The following SAMD9 variants were observed in gnomAD, a reference collection of about 807,000 sequenced individuals.
SAMD9 encodes the protein sterile alpha motif domain-containing protein 9.
A neutral mutation model predicts 1.5 loss-of-function variants in SAMD9; 3 were observed. The ratio of observed to expected loss-of-function variants is 2.05; its 90% CI spans 0.93 to 5.29. The LOEUF (loss-of-function observed/expected upper bound fraction) is 5.29, where lower values mean the gene tolerates loss of function less well. Ranked by LOEUF, SAMD9 falls within the 30% of genes most tolerant of loss-of-function variation. The pLI is 0.02. For missense variants in SAMD9, 1,597 were observed against 1,820.8 expected (o/e 0.88, Z 2.24); for synonymous variants, 635 against 631.9 (o/e 1.00, Z -0.07).
chr7:93,110,739 T>G (rs1386598515), intron 2 of SAMD9, among the ~76,000 whole-genome samples: 8 of 152,140 alleles, frequency 5.3e-5, no homozygotes, highest in Non-Finnish European at 1.5e-5. Context: ...AGGGATCAAT[T>G]CAACAAGAAG....
chr7:93,116,495 A>G (rs902124574), intron 1 of SAMD9, among the ~76,000 whole-genome samples: 1 of 152,204 alleles, frequency 6.6e-6, no homozygotes, highest in Non-Finnish European at 1.5e-5. Flanking sequence ...CAGATTATTG[A>G]TAGCTGTGCC....
chr7:93,117,433 A>G (rs1324055615), intron 1 of SAMD9, among the ~76,000 whole-genome samples: 1 of 150,628 alleles, frequency 6.6e-6, no homozygotes, highest in Non-Finnish European at 1.5e-5. Flanking sequence ...GCGTGCCACC[A>G]CATCCAGCTA....
intron 2 of SAMD9, among the ~76,000 whole-genome samples, chr7:93,109,650 C>T (rs550300381): frequency 2.6e-5 from 4 of 152,234 alleles, no homozygotes; most frequent in East Asian, 1.9e-4. Context: ...ACAAGAACTA[C>T]GTGACGCATG....
At chr7:93,114,331 G>A (rs903461186) in intron 2 of SAMD9, among the ~76,000 whole-genome samples, 1 of 151,082 alleles carries the variant, frequency 6.6e-6, no homozygotes, top group Non-Finnish European at 1.5e-5. Context: ...GATAGCATTA[G>A]GAGATATACC....
intron 2 of SAMD9, among the ~76,000 whole-genome samples, chr7:93,110,284 C>T (rs895756917): frequency 6.6e-6 from 1 of 152,162 alleles, no homozygotes; most frequent in African/African-American, 2.4e-5. Context: ...ACCAGGCCTG[C>T]CTTACAAGAG....
In SAMD9 at chr7:93,114,872, C is replaced by G. The variant is rs938841949; in HGVS notation, c.-86G>C. On this transcript the variant is annotated 5_prime_UTR_variant, in exon 2 of 3. Coordinates refer to ENST00000379958, the MANE Select transcript of SAMD9 (RefSeq NM_017654.4). The stretch of plus-strand genomic sequence containing the variant: ...AGATCACAAAAGGCCACCTATTCAC[C>G]CACTGCAACCATGAGATCAAAATCT... The G allele has an allele frequency of 6.6e-6, 1 of 152,168 alleles. No homozygotes were observed. The highest frequency in any genetic ancestry group is 2.4e-5 in the African/African-American group (1 of 41,432). The allele number at this position is 152,168 out of a possible 1,614,324, so 9.4% of individuals were successfully genotyped here.
rs1295884419 is a variant in SAMD9 at position 93,105,446 on chromosome 7, C to A, written c.652G>T (p.Glu218Ter). ...CAAGCTGAAGCAAATCGGAAAACCT[C>A]ATTGCTAAATTTCATCTTGACATCC... The part of the protein sequence containing the change: ...EEDVKMKFSN[E>*]VFRFASACMN... The change falls in exon 3 of 3, where the codon GAG (glutamate) becomes TAG (stop). Residue 218 changes from glutamate (E) to a stop codon, truncating the protein, a stop_gained. Transcript: ENST00000379958. LOFTEE classifies it low-confidence loss of function (END_TRUNC). 5.6e-6 allele frequency: 9 copies of A among 1,614,056 alleles called. No homozygotes were observed. Among genetic ancestry groups the A allele is most frequent in the South Asian group, 1.1e-5 (1 of 91,074 alleles).
chr7:93,117,106 A>G (rs961423205), intron 1 of SAMD9, among the ~76,000 whole-genome samples: 1 of 152,182 alleles, frequency 6.6e-6, no homozygotes, highest in Non-Finnish European at 1.5e-5. Flanking sequence ...CTGTCTTCCT[A>G]TGTATGTCAT....
chr7:93,103,078 A>C lies in SAMD9; in HGVS notation c.3020T>G (p.Ile1007Ser). 6.2e-7 allele frequency: 1 copy of C among 1,613,836 alleles called. No homozygotes were observed. Among genetic ancestry groups the C allele is most frequent in the Non-Finnish European group, 8.5e-7 (1 of 1,179,786 alleles). ...KKSYHLNKSQ[I>S]MLDMLTENLF... ...ATTCTCAGTTAGCATATCCAACATAATTTGACTTTTATTCAGGTGATAGCT... is the reference window on the plus strand; with the variant it reads ...ATTCTCAGTTAGCATATCCAACATACTTTGACTTTTATTCAGGTGATAGCT... Residue 1007 changes from isoleucine to serine, a missense_variant, in exon 3 of 3, where the codon ATT becomes AGT. Ile to Ser is a moderately radical substitution (Grantham distance 142). Around this residue, in one of 6 missense-constraint regions of SAMD9, gnomAD observed 682 missense variants for 810.0 expected, o/e 0.84. Transcript: ENST00000379958.
rs780394549 is a variant in SAMD9, at chr7:93,105,920, T to TATA, written c.177_178insTAT (p.Ile59_Thr60insTyr). 25 of 1,613,550 alleles carry TATA rather than the reference T, an allele frequency of 1.5e-5. No homozygotes were observed. Among genetic ancestry groups the TATA allele is most frequent in the East Asian group, 2.2e-5 (1 of 44,868 alleles). On this transcript the variant is annotated inframe_insertion, in exon 3 of 3. Coordinates refer to ENST00000379958, the MANE Select transcript of SAMD9 (RefSeq NM_017654.4). ...TCTATTTGAATAGCTGGTCCATGTG[T>TATA]GATGCCCATATCAACAAGATGTTCT...
At position 93,099,971 on chromosome 7, in the gene SAMD9, A is replaced by C. The variant is rs12333457; in HGVS notation, c.*1357T>G. On this transcript the variant is annotated 3_prime_UTR_variant, in exon 3 of 3. Coordinates refer to ENST00000379958, the MANE Select transcript of SAMD9 (RefSeq NM_017654.4). ...AGTACCTTAATATCCTCAAATATCT[A>C]GTCTGTGTTCAAATTTTTCTGATTG... 5.3e-5 allele frequency: 8 copies of C among 152,182 alleles called. No homozygotes were observed. The highest frequency in any genetic ancestry group is 1.9e-4 in the African/African-American group (8 of 41,434). 9.4% of individuals were successfully genotyped at this position (152,182 alleles called of 1,614,324 possible). A position where few individuals can be genotyped will look rare whatever the true frequency, so the allele number is the denominator to read the frequency against.
intron 1 of SAMD9, among the ~76,000 whole-genome samples, chr7:93,116,977 C>T (rs544339968): frequency 6.6e-5 from 10 of 152,252 alleles, no homozygotes; most frequent in African/African-American, 2.2e-4. Context: ...ATCCTCCAAC[C>T]GTCTTGCATT....
At chr7:93,117,243 TTATC>T (rs1562780629) in intron 1 of SAMD9, among the ~76,000 whole-genome samples, 1 of 148,808 alleles carries the variant, frequency 6.7e-6, no homozygotes, top group Non-Finnish European at 1.5e-5. Flanking sequence ...TGCCTGTTCT[TTATC>T]TATCTTTCCG....
chr7:93,116,400 T>G (rs1044424214), intron 1 of SAMD9, among the ~76,000 whole-genome samples: 1 of 152,240 alleles, frequency 6.6e-6, no homozygotes, highest in African/African-American at 2.4e-5. Context: ...GACTTTTGAC[T>G]GTTTTCTCTA....
chr7:93,114,185 A>T (rs1349992030), intron 2 of SAMD9, among the ~76,000 whole-genome samples: 2 of 152,020 alleles, frequency 1.3e-5, no homozygotes, highest in African/African-American at 4.8e-5. Context: ...CATTCTGAGC[A>T]AAGTGTTGCC....
intron 2 of SAMD9, among the ~76,000 whole-genome samples, chr7:93,107,422 C>A (rs921349263): frequency 6.6e-6 from 1 of 152,100 alleles, no homozygotes; most frequent in African/African-American, 2.4e-5. Context: ...AATTTGCAGA[C>A]TACTATCTGA....
At position 93,104,374 on chromosome 7, in the gene SAMD9, C is replaced by T. The variant is rs1791592783; in HGVS notation, c.1724G>A (p.Cys575Tyr). The T allele has an allele frequency of 1.2e-6, 2 of 1,613,760 alleles. No homozygotes were observed. The highest frequency in any genetic ancestry group is 1.1e-5 in the South Asian group (1 of 91,084). ...QDLKGMENIL[C>Y]ICVHPHIFQG... Reference sequence around the variant, plus strand: ...AAATATGTGTGGGTGCACACAAATACACAGTATATTTTCCATTCCTTTGAG... The same window carrying T: ...AAATATGTGTGGGTGCACACAAATATACAGTATATTTTCCATTCCTTTGAG... Residue 575 changes from cysteine to tyrosine, a missense_variant, in exon 3 of 3, where the codon TGT becomes TAT. By Grantham distance (194) the Cys-to-Tyr change is radical. Coordinates refer to ENST00000379958, the MANE Select transcript of SAMD9 (RefSeq NM_017654.4).
chr7:93,105,183 A>C lies in SAMD9; in HGVS notation c.915T>G (p.Ile305Met). 6.2e-7 allele frequency: 1 copy of C among 1,613,852 alleles called. No individual in the cohort carries two copies. Among genetic ancestry groups the C allele is most frequent in the Non-Finnish European group, 8.5e-7 (1 of 1,179,934 alleles). ...AGAACTGTGGAATAATGTCCACTTC[A>C]ATAACAAATCTGTCAGATAGAGTAC... ...PNSTLSDRFV[I>M]EVDIIPQFSE... Residue 305 changes from isoleucine to methionine, a missense_variant, in exon 3 of 3, where the codon ATT becomes ATG. By Grantham distance (10) the Ile-to-Met change is conservative. This residue lies in a region of SAMD9 where 498 missense variants were observed against 457.4 expected (regional missense o/e 1.09). Transcript: ENST00000379958.
Position 93,104,343 on chromosome 7 carries a change from T to C in SAMD9, c.1755A>G (p.Gly585=). ...CICVHPHIFQ[G]WKDLLEARLI... ...ATCTTGCTTCAAGTAGATCTTTCCA[T>C]CCCTGAAATATGTGTGGGTGCACAC... The change falls in exon 3 of 3, where the codon GGA becomes GGG. Residue 585 remains glycine (G), a synonymous_variant. Coordinates refer to ENST00000379958, the MANE Select transcript of SAMD9 (RefSeq NM_017654.4). The C allele has an allele frequency of 6.2e-7, 1 of 1,613,840 alleles. No homozygotes were observed. The highest frequency in any genetic ancestry group is 8.5e-7 in the Non-Finnish European group (1 of 1,179,816).
Sources: allele counts gnomAD v4.1 joint callset (sites outside exome capture counted in the v4.1 genomes callset), GRCh38; gene constraint gnomAD v4.1.1; regional missense constraint gnomAD v4.1.1; transcripts MANE v1.5; gene names NCBI Gene and HGNC (gene_info 2026-07-23, HGNC 2026-07-21).